ELMO1: variants seen among roughly 807,000 people sequenced by gnomAD.
ELMO1 encodes the protein engulfment and cell motility 1, also known as engulfment and cell motility protein 1.
Under a neutral mutation model 98.9 loss-of-function variants are expected in ELMO1, and 26 were observed. The ratio of observed to expected loss-of-function variants is 0.26; its 90% CI spans 0.19 to 0.36. The LOEUF (loss-of-function observed/expected upper bound fraction) is 0.36. Ranked by LOEUF, ELMO1 falls within the 10% of genes least tolerant of loss-of-function variation. ELMO1 has a pLI of 1.00. For missense variants in ELMO1, 627 were observed against 935.2 expected, an observed-to-expected ratio of 0.67 and a Z score of 4.30; for synonymous variants, 346 against 346.0, an observed-to-expected ratio of 1.00 and a Z score of 0.00.
Position 37,303,091 on chromosome 7 carries a change from T to C in ELMO1, c.192+11759A>G, listed in dbSNP as rs573409607. 4.6e-5 allele frequency among the ~76,000 whole-genome samples: 7 copies of C among 152,284 alleles called. No individual in the cohort carries two copies. In the East Asian group the frequency reaches 1.4e-3, roughly 29 times the overall value. On this transcript the variant is annotated intron_variant, in intron 4 of 21. Transcript: ENST00000310758. ...CCTATGCCTGCCCTTGGGTCACCAGTTTATGCTCATAGTAGATGTTCGTTA... is the reference window on the plus strand; with the variant it reads ...CCTATGCCTGCCCTTGGGTCACCAGCTTATGCTCATAGTAGATGTTCGTTA...
intron 16 of ELMO1, among the ~76,000 whole-genome samples, chr7:37,010,204 A>C (rs1049486922): frequency 3.9e-5 from 6 of 152,184 alleles, no homozygotes; most frequent in African/African-American, 1.4e-4. Context: ...AAAGCAAACA[A>C]AAGGCTCCTC....
chr7:37,240,441 C>G (rs1461987825), intron 7 of ELMO1, among the ~76,000 whole-genome samples: 1 of 151,450 alleles, frequency 6.6e-6, no homozygotes, highest in Non-Finnish European at 1.5e-5. Context: ...CTTTTTTTTC[C>G]TAATAAATAT....
At chr7:37,184,490 G>T (rs771470929) in intron 13 of ELMO1, among the ~76,000 whole-genome samples, 5 of 152,094 alleles carry the variant, frequency 3.3e-5, no homozygotes, top group African/African-American at 1.2e-4. Context: ...TGCTCTACAC[G>T]GTCAAGGCCA....
chr7:36,996,793 T>TCCTTGC (rs1792248021), intron 16 of ELMO1, among the ~76,000 whole-genome samples: 1 of 152,140 alleles, frequency 6.6e-6, no homozygotes, highest in Non-Finnish European at 1.5e-5. Context: ...TGAAGGTTCC[T>TCCTTGC]CCTTGCTGAG....
rs578231683 is a variant in ELMO1, at chr7:37,229,382, A to T, written c.549+3713T>A. Among the ~76,000 whole-genome samples the T allele has an allele frequency of 2.0e-5, 3 of 152,172 alleles. No individual in the cohort carries two copies. The South Asian group carries it at 6.2e-4, about 31-fold the overall frequency. On this transcript the variant is annotated intron_variant, in intron 8 of 21. Transcript: ENST00000310758. ...TTATATATTGGTATCAAGGAATTCC[A>T]AGTTTCAGAGCTGTTTATGAAATGA...
chr7:37,202,763 G>A (rs866647297), intron 13 of ELMO1, among the ~76,000 whole-genome samples: 2 of 151,672 alleles, frequency 1.3e-5, no homozygotes, highest in Middle Eastern at 6.8e-3. Context: ...CCATCAGAGA[G>A]AGAATATGGG....
chr7:37,240,782 G>A (rs115454479), intron 7 of ELMO1, among the ~76,000 whole-genome samples: 2 of 151,966 alleles, frequency 1.3e-5, no homozygotes, highest in African/African-American at 2.4e-5. Flanking sequence ...GAGGCTATTC[G>A]GCTATTTTAT....
intron 1 of ELMO1, chr7:37,353,773 T>C (rs1316343309): frequency 1.3e-5 from 2 of 152,246 alleles, no homozygotes; most frequent in Non-Finnish European, 2.9e-5. Context: ...GACATTGTGC[T>C]GACTGGCGTG....
chr7:37,254,472 G>A (rs538030076), intron 6 of ELMO1, among the ~76,000 whole-genome samples: 3 of 152,272 alleles, frequency 2.0e-5, no homozygotes, highest in East Asian at 1.9e-4. Context: ...TGTGAACATC[G>A]TAGAGTGTAC....
rs527679480 is a variant in ELMO1 at position 37,358,678 on chromosome 7, AT to A, written c.-73-15916del. Among the ~76,000 whole-genome samples, 393 of 152,294 alleles carry A rather than the reference AT, an allele frequency of 2.6e-3. 1 individual carries two copies. Among genetic ancestry groups the A allele is most frequent in the Non-Finnish European group, 4.6e-3 (312 of 68,020 alleles). On this transcript the variant is annotated intron_variant, in intron 1 of 21. Transcript: ENST00000310758. ...TCAAATCTTACTTTTCTCGGCCTTG[AT>A]TTGAAACTCCTACAAACTTTATAGA...
At chr7:36,875,814 T>TA (rs1803914203) in intron 19 of ELMO1, among the ~76,000 whole-genome samples, 1 of 152,184 alleles carries the variant, frequency 6.6e-6, no homozygotes, top group Admixed American at 6.5e-5. Context: ...AAGGCTTTGT[T>TA]GCTGTGGCTG....
intron 1 of ELMO1, chr7:37,375,843 A>C: frequency 4.0e-6 from 3 of 745,458 alleles, no homozygotes; most frequent in Non-Finnish European, 7.1e-6. Flanking sequence ...CTCGGCCTAA[A>C]GGTCTGGAGA....
chr7:37,186,689 CA>C (rs562629900), intron 13 of ELMO1, among the ~76,000 whole-genome samples: 223 of 152,208 alleles, frequency 1.5e-3, no homozygotes, highest in African/African-American at 5.0e-3. Flanking sequence ...TAAAAATGAC[CA>C]ATAAGCACAA....
intron 6 of ELMO1, among the ~76,000 whole-genome samples, chr7:37,248,143 A>T (rs1389095452): frequency 1.3e-5 from 2 of 149,050 alleles, no homozygotes; most frequent in Admixed American, 6.7e-5. Flanking sequence ...GCATAAGGAG[A>T]AGAGAAATTT....
chr7:36,934,618 G>A (rs1786349817), intron 16 of ELMO1, among the ~76,000 whole-genome samples: 1 of 152,162 alleles, frequency 6.6e-6, no homozygotes, highest in Admixed American at 6.5e-5. Context: ...TGATGATTAG[G>A]AGATGAAAAA....
chr7:37,098,921 G>A (rs1411536930), intron 14 of ELMO1, among the ~76,000 whole-genome samples: 1 of 152,164 alleles, frequency 6.6e-6, no homozygotes, highest in Admixed American at 6.5e-5. Context: ...AGCTTCCAGC[G>A]AGCACATTCC....
chr7:37,018,497 T>A (rs1794080623), intron 15 of ELMO1, among the ~76,000 whole-genome samples: 1 of 151,202 alleles, frequency 6.6e-6, no homozygotes, highest in African/African-American at 2.4e-5. Context: ...ATTTTTTTTT[T>A]ATGAAGTCTT....
At chr7:37,401,988 T>C (rs978694825) in intron 1 of ELMO1, among the ~76,000 whole-genome samples, 9 of 152,242 alleles carry the variant, frequency 5.9e-5, no homozygotes, top group African/African-American at 2.2e-4. Context: ...TCTAAGACTG[T>C]CTACTCTTCA....
rs892386281 is a variant in ELMO1, at chr7:36,878,053, C to T, written c.1779G>A (p.Glu593=). 1.2e-6 allele frequency: 2 copies of T among 1,614,006 alleles called. No homozygotes were observed. Among genetic ancestry groups the T allele is most frequent in the Non-Finnish European group, 1.7e-6 (2 of 1,179,986 alleles). Residue 593 remains glutamate (E), a synonymous_variant, in exon 19 of 22, where the codon GAG becomes GAA. Coordinates refer to ENST00000310758, the MANE Select transcript of ELMO1 (RefSeq NM_014800.11). ...HKVLHYGDLE[E]SPQGEVPHDS... Reference sequence around the variant, plus strand: ...CGTGGGGCACTTCTCCCTGAGGACTCTCTTCTAAGTCTCCGTAATGCAGGA... The same window carrying T: ...CGTGGGGCACTTCTCCCTGAGGACTTTCTTCTAAGTCTCCGTAATGCAGGA...
Sources: allele counts gnomAD v4.1 joint callset (sites outside exome capture counted in the v4.1 genomes callset), GRCh38; gene constraint gnomAD v4.1.1; transcripts MANE v1.5; gene names NCBI Gene and HGNC (gene_info 2026-07-23, HGNC 2026-07-21).